KIAA0040: variants seen among roughly 807,000 people sequenced by gnomAD.
KIAA0040 encodes the protein KIAA0040.
A neutral mutation model predicts 7.2 loss-of-function variants in KIAA0040; 10 were observed. The ratio of observed to expected loss-of-function variants is 1.38; its 90% CI spans 0.85 to 2.34. KIAA0040 has a LOEUF of 2.34. KIAA0040 is among the 30% of genes most tolerant of loss of function. KIAA0040 has a pLI of 0.00. For synonymous variants in KIAA0040, 49 were observed against 40.1 expected, an observed-to-expected ratio of 1.22 and a Z score of -0.84; for missense variants, 89 against 108.2, an observed-to-expected ratio of 0.82 and a Z score of 0.79.
chr1:175,184,234 T>C (rs1677563926), intron 1 of KIAA0040, among the ~76,000 whole-genome samples: 1 of 152,194 alleles, frequency 6.6e-6, no homozygotes, highest in South Asian at 2.1e-4. Flanking sequence ...CTAGGAGTCT[T>C]TGAAGCAATA....
intron 1 of KIAA0040, among the ~76,000 whole-genome samples, chr1:175,179,081 T>C (rs1677335011): frequency 6.6e-6 from 1 of 151,738 alleles, no homozygotes; most frequent in African/African-American, 2.4e-5. Context: ...TGGGGTGAGC[T>C]ACATAGGTTG....
chr1:175,178,928 G>C (rs1268623592), intron 1 of KIAA0040, among the ~76,000 whole-genome samples: 1 of 140,544 alleles, frequency 7.1e-6, no homozygotes, highest in Admixed American at 7.2e-5. Context: ...AGAAAGGAGA[G>C]AGATCAATGC....
chr1:175,179,256 CAAG>C (rs796440281), intron 1 of KIAA0040, among the ~76,000 whole-genome samples: 21 of 152,290 alleles, frequency 1.4e-4, no homozygotes, highest in African/African-American at 4.8e-4. Context: ...GTAACAGCCT[CAAG>C]GAGGCCCTGA....
Position 175,161,670 on chromosome 1 carries a change from C to T in KIAA0040, c.-133-524G>A, listed in dbSNP as rs544740386. 5.9e-5 allele frequency among the ~76,000 whole-genome samples: 9 copies of T among 152,248 alleles called. 1 individual carries two copies. The South Asian group carries it at 1.9e-3, about 32-fold the overall frequency. On this transcript the variant is annotated intron_variant, in intron 3 of 3. Transcript: ENST00000423313. ...GTCTGTAGTAGGGAACCTGGGTCTC[C>T]TCTGGGCTAAGAGGTCATCAGTCCT...
intron 1 of KIAA0040, among the ~76,000 whole-genome samples, chr1:175,188,133 G>A (rs964381282): frequency 9.9e-5 from 15 of 152,182 alleles, no homozygotes; most frequent in African/African-American, 2.2e-4. Context: ...TCCATGGAGC[G>A]GCTTGCTCAC....
rs1677612245 is a variant in KIAA0040, at chr1:175,185,266, T to C, written c.-384+7374A>G. On this transcript the variant is annotated intron_variant, in intron 1 of 3. Coordinates refer to ENST00000423313, the MANE Select transcript of KIAA0040 (RefSeq NM_014656.3). ...TGGATAAGAAATACTCAACCTGTAGTAGTACCTATTTTGTTCAGTTGACAT... is the reference window on the plus strand; with the variant it reads ...TGGATAAGAAATACTCAACCTGTAGCAGTACCTATTTTGTTCAGTTGACAT... Among the ~76,000 whole-genome samples the C allele has an allele frequency of 2.6e-5, 4 of 152,178 alleles. No homozygotes were observed. In the South Asian group the frequency reaches 8.3e-4, roughly 32 times the overall value.
Position 175,159,397 on chromosome 1 carries a change from T to G in KIAA0040, c.*1317A>C, listed in dbSNP as rs1676432370. The G allele has an allele frequency of 6.6e-6, 1 of 152,228 alleles. No individual in the cohort carries two copies. The highest frequency in any genetic ancestry group is 2.1e-4 in the South Asian group (1 of 4,824). 9.4% of individuals were successfully genotyped at this position (152,228 alleles called of 1,614,324 possible). A position where few individuals can be genotyped will look rare whatever the true frequency, so the allele number is the denominator to read the frequency against. On this transcript the variant is annotated 3_prime_UTR_variant, in exon 4 of 4. Transcript: ENST00000423313. ...GGGCTCACTTAGAAGAGAAGATCAC[T>G]CGGGGAGAACTGGTGAGGTATTACA...
In KIAA0040 at chr1:175,182,432, T is replaced by G. The variant is rs1316815706; in HGVS notation, c.-383-4748A>C. Among the ~76,000 whole-genome samples, 3 of 152,142 alleles carry G rather than the reference T, an allele frequency of 2.0e-5. No homozygotes were observed. The East Asian group carries it at 5.8e-4, about 29-fold the overall frequency. ...GCTCACGTTCAAAGGGATCCCTCTTTCCCTGCCCCCTCACCCACAATCAGC... is the reference window on the plus strand; with the variant it reads ...GCTCACGTTCAAAGGGATCCCTCTTGCCCTGCCCCCTCACCCACAATCAGC... On this transcript the variant is annotated intron_variant, in intron 1 of 3. Coordinates refer to ENST00000423313, the MANE Select transcript of KIAA0040 (RefSeq NM_014656.3).
Position 175,160,601 on chromosome 1 carries a change from A to G in KIAA0040, c.*113T>C, listed in dbSNP as rs1676488720. Reference sequence around the variant, plus strand: ...TCTGAGGTTTGTTCCTTGGTTGAGTAGTTACTCTGTGGACATGGACATAGT... The same window carrying G: ...TCTGAGGTTTGTTCCTTGGTTGAGTGGTTACTCTGTGGACATGGACATAGT... On this transcript the variant is annotated 3_prime_UTR_variant, in exon 4 of 4. Coordinates refer to ENST00000423313, the MANE Select transcript of KIAA0040 (RefSeq NM_014656.3). 2 of 1,041,218 alleles carry G rather than the reference A, an allele frequency of 1.9e-6. No homozygotes were observed. The highest frequency in any genetic ancestry group is 5.8e-5 in the Admixed American group (2 of 34,670). The allele number at this position is 1,041,218 out of a possible 1,614,324, so 64.5% of individuals were successfully genotyped here. A position where few individuals can be genotyped will look rare whatever the true frequency, so the allele number is the denominator to read the frequency against.
intron 3 of KIAA0040, among the ~76,000 whole-genome samples, chr1:175,161,407 C>G (rs905387134): frequency 2.0e-5 from 3 of 152,252 alleles, no homozygotes; most frequent in Non-Finnish European, 4.4e-5. Context: ...GTAGGAAGTT[C>G]TCAGTAGTTG....
chr1:175,191,024 G>T (rs1571223027), intron 1 of KIAA0040, among the ~76,000 whole-genome samples: 2 of 152,166 alleles, frequency 1.3e-5, no homozygotes, highest in East Asian at 3.9e-4. Flanking sequence ...TCTGGGGAAG[G>T]ATCTCCTGCC....
chr1:175,180,464 T>C (rs1398468933), intron 1 of KIAA0040, among the ~76,000 whole-genome samples: 1 of 152,224 alleles, frequency 6.6e-6, no homozygotes, highest in Non-Finnish European at 1.5e-5. Context: ...TCTGCCACAC[T>C]ACTTTAGGTT....
At position 175,160,671 on chromosome 1, in the gene KIAA0040, G is replaced by C. The variant is rs904241903; in HGVS notation, c.*43C>G. 1 of 1,494,682 alleles carries C rather than the reference G, an allele frequency of 6.7e-7. No individual in the cohort carries two copies. The highest frequency in any genetic ancestry group is 2.3e-5 in the Admixed American group (1 of 43,600). The allele number at this position is 1,494,682 out of a possible 1,614,324, so 92.6% of individuals were successfully genotyped here. ...TGAAATGTCTGTGTGTGGTCAGAAG[G>C]AGGCTTAGCCCCAGAAAGGAAACAC... On this transcript the variant is annotated 3_prime_UTR_variant, in exon 4 of 4. Coordinates refer to ENST00000423313, the MANE Select transcript of KIAA0040 (RefSeq NM_014656.3).
At chr1:175,167,033 TC>T (rs1229533459) in intron 2 of KIAA0040, among the ~76,000 whole-genome samples, 1 of 152,030 alleles carries the variant, frequency 6.6e-6, no homozygotes, top group Non-Finnish European at 1.5e-5. Context: ...CAAACATTCA[TC>T]AAAGAACCAT....
chr1:175,175,097 C>T lies in KIAA0040; in HGVS notation c.-310+2514G>A, dbSNP rs534631525. 2.7e-4 allele frequency among the ~76,000 whole-genome samples: 41 copies of T among 152,268 alleles called. No individual in the cohort carries two copies. The South Asian group carries it at 6.8e-3, about 25-fold the overall frequency. On this transcript the variant is annotated intron_variant, in intron 2 of 3. Coordinates refer to ENST00000423313, the MANE Select transcript of KIAA0040 (RefSeq NM_014656.3). ...TTCCACAAATAAAGGGAAACCTCTG[C>T]TTCTGGCCGACTCCAATAACTGATG...
At chr1:175,170,606 A>T (rs748928494) in intron 2 of KIAA0040, among the ~76,000 whole-genome samples, 1 of 152,142 alleles carries the variant, frequency 6.6e-6, no homozygotes, top group Non-Finnish European at 1.5e-5. Context: ...CAACACTCGG[A>T]CTAAGCTTCT....
At chr1:175,181,354 T>G (rs1677433430) in intron 1 of KIAA0040, among the ~76,000 whole-genome samples, 1 of 152,220 alleles carries the variant, frequency 6.6e-6, no homozygotes, top group South Asian at 2.1e-4. Context: ...TCTGGGTTGT[T>G]GACACCATTG....
intron 2 of KIAA0040, among the ~76,000 whole-genome samples, chr1:175,175,242 A>G (rs1184111916): frequency 6.6e-6 from 1 of 152,236 alleles, no homozygotes; most frequent in East Asian, 1.9e-4. Flanking sequence ...TAAAAGTTGC[A>G]TAATTCTATG....
intron 1 of KIAA0040, among the ~76,000 whole-genome samples, chr1:175,186,763 C>T (rs189651661): frequency 2.2e-3 from 328 of 152,350 alleles, no homozygotes; most frequent in Non-Finnish European, 3.2e-3. Context: ...CTTGTGAAGG[C>T]TTTGGTCCAA....
Sources: gnomAD v4.1 joint callset for allele counts (sites outside exome capture counted in the v4.1 genomes callset) on GRCh38, gnomAD v4.1.1 for gene constraint, MANE v1.5 for transcripts, NCBI Gene and HGNC (gene_info 2026-07-23, HGNC 2026-07-21) for gene names.